Variants in RIMS2 observed in about 807,000 individuals in gnomAD.
RIMS2 encodes the protein regulating synaptic membrane exocytosis protein 2.
RIMS2 carries 59 observed loss-of-function variants against 174.4 expected under a neutral mutation model. The ratio of observed to expected loss-of-function variants is 0.34; its 90% CI spans 0.27 to 0.42. The LOEUF (loss-of-function observed/expected upper bound fraction) is 0.42. Ranked by LOEUF, RIMS2 falls within the 10% of genes least tolerant of loss-of-function variation. The pLI is 1.00. For missense variants in RIMS2, 1,620 were observed against 1,666.3 expected (o/e 0.97, Z 0.48); for synonymous variants, 606 against 572.5 (o/e 1.06, Z -0.84).
chr8:104,206,351 T>G (rs1417430236), intron 19 of RIMS2, among the ~76,000 whole-genome samples: 1 of 152,208 alleles, frequency 6.6e-6, no homozygotes, highest in Non-Finnish European at 1.5e-5. Context: ...AACAAAAAAT[T>G]CAAACTGTGA....
intron 1 of RIMS2, among the ~76,000 whole-genome samples, chr8:103,549,450 T>G (rs576939758): frequency 2.0e-5 from 3 of 152,086 alleles, no homozygotes; most frequent in Non-Finnish European, 2.9e-5. Flanking sequence ...AGGCCTACCT[T>G]ACAAGAGCTC....
At chr8:103,575,830 C>T (rs973893138) in intron 1 of RIMS2, among the ~76,000 whole-genome samples, 16 of 151,936 alleles carry the variant, frequency 1.1e-4, no homozygotes, top group Admixed American at 1.0e-3. Flanking sequence ...CATGATGCTC[C>T]TCCCCACAAT....
chr8:103,792,164 G>A (rs545789690), intron 3 of RIMS2, among the ~76,000 whole-genome samples: 3 of 151,956 alleles, frequency 2.0e-5, no homozygotes, highest in Admixed American at 6.6e-5. Context: ...TGACCACATC[G>A]TTGGAAGTAA....
At chr8:103,585,842 C>G (rs2093887544) in intron 1 of RIMS2, among the ~76,000 whole-genome samples, 2 of 151,368 alleles carry the variant, frequency 1.3e-5, no homozygotes, top group African/African-American at 4.9e-5. Flanking sequence ...ACATGTATAC[C>G]TGTGTAACAA....
chr8:104,242,676 C>T (rs376499419), intron 19 of RIMS2, among the ~76,000 whole-genome samples: 17 of 152,298 alleles, frequency 1.1e-4, no homozygotes, highest in African/African-American at 4.1e-4. Context: ...CTATCATATA[C>T]CTTGTTACTC....
At chr8:103,592,698 G>T (rs948837117) in intron 1 of RIMS2, among the ~76,000 whole-genome samples, 1 of 151,252 alleles carries the variant, frequency 6.6e-6, no homozygotes, top group Non-Finnish European at 1.5e-5. Context: ...TTTACATCTG[G>T]TGCAGAAGCA....
In RIMS2 at chr8:103,549,523, A is replaced by G. The variant is rs991078439; in HGVS notation, c.176+48461A>G. Reference sequence around the variant, plus strand: ...ACCAGCCACTGCAAAAACATGCCAAATTGTAAAGCCCATCAATGCTAGGAA... The same window carrying G: ...ACCAGCCACTGCAAAAACATGCCAAGTTGTAAAGCCCATCAATGCTAGGAA... On this transcript the variant is annotated intron_variant, in intron 1 of 23. Coordinates refer to ENST00000504942, the Ensembl canonical transcript of RIMS2. Among the ~76,000 whole-genome samples the G allele has an allele frequency of 5.9e-5, 9 of 152,224 alleles. No homozygotes were observed. In the South Asian group the frequency reaches 8.3e-4, roughly 14 times the overall value.
At chr8:103,637,699 G>T (rs2096121692) in intron 1 of RIMS2, among the ~76,000 whole-genome samples, 1 of 152,042 alleles carries the variant, frequency 6.6e-6, no homozygotes, top group South Asian at 2.1e-4. Flanking sequence ...CAATTACAGT[G>T]TATTTATCAA....
chr8:103,955,444 A>T (rs889785016), intron 14 of RIMS2, among the ~76,000 whole-genome samples: 7 of 152,228 alleles, frequency 4.6e-5, no homozygotes, highest in Admixed American at 2.0e-4. Context: ...GGCTGGTTCA[A>T]CATACCCATA....
At chr8:103,762,686 A>C (rs910919715) in intron 2 of RIMS2, among the ~76,000 whole-genome samples, 1 of 152,142 alleles carries the variant, frequency 6.6e-6, no homozygotes, top group Non-Finnish European at 1.5e-5. Flanking sequence ...CTGTACTACA[A>C]TTGTGTTGCT....
At chr8:103,603,525 G>T (rs1005578064) in intron 1 of RIMS2, among the ~76,000 whole-genome samples, 10 of 152,092 alleles carry the variant, frequency 6.6e-5, no homozygotes, top group Non-Finnish European at 1.2e-4. Flanking sequence ...TAATGGGATG[G>T]CTGGGTCAAG....
chr8:103,661,660 C>T (rs140248210), intron 1 of RIMS2, among the ~76,000 whole-genome samples: 5 of 152,210 alleles, frequency 3.3e-5, no homozygotes, highest in East Asian at 3.9e-4. Context: ...CACGCCGCCA[C>T]CCCTGGCTGA....
chr8:103,632,731 ATTTTTTTTTTT>A (rs61579273), intron 1 of RIMS2, among the ~76,000 whole-genome samples: 11 of 70,416 alleles, frequency 1.6e-4, no homozygotes, highest in East Asian at 1.4e-3. Flanking sequence ...ATATTTATTG[ATTTTTTTTTTT>A]TTTTTTTTTT....
chr8:104,004,580 G>C (rs1429422062), intron 17 of RIMS2, among the ~76,000 whole-genome samples: 2 of 152,096 alleles, frequency 1.3e-5, no homozygotes, highest in Admixed American at 1.3e-4. Context: ...TATCAAGAAA[G>C]TGTGAAGGAG....
intron 2 of RIMS2, among the ~76,000 whole-genome samples, chr8:103,741,065 G>T (rs1440586101): frequency 1.3e-5 from 2 of 151,682 alleles, no homozygotes; most frequent in East Asian, 1.9e-4. Context: ...AATTTCTATT[G>T]GATTGAGTTT....
At position 103,697,066 on chromosome 8, in the gene RIMS2, CT is replaced by C; in HGVS notation, c.177-18del. The C allele has an allele frequency of 4.4e-6, 7 of 1,575,456 alleles. No individual in the cohort carries two copies. The highest frequency in any genetic ancestry group is 5.2e-6 in the Non-Finnish European group (6 of 1,148,230). ...GATCATCAGGAAACCAACTTTTTTT[CT>C]TATCTATTTTCTCTGCAGAAAACTG... On this transcript the variant is annotated intron_variant, in intron 1 of 23. Transcript: ENST00000504942.
At chr8:103,632,698 G>A (rs941306194) in intron 1 of RIMS2, among the ~76,000 whole-genome samples, 19 of 150,544 alleles carry the variant, frequency 1.3e-4, no homozygotes, top group Non-Finnish European at 2.7e-4. Context: ...TGGGATTGTA[G>A]GCATGAGCCA....
At chr8:104,246,662 A>T (rs761931396) in intron 20 of RIMS2, among the ~76,000 whole-genome samples, 1 of 152,206 alleles carries the variant, frequency 6.6e-6, no homozygotes, top group African/African-American at 2.4e-5. Context: ...CACAGGATAG[A>T]CGGGGAAAGG....
chr8:104,169,339 T>TATATATATATATAA (rs1359764472), intron 19 of RIMS2, among the ~76,000 whole-genome samples: 2 of 33,262 alleles, frequency 6.0e-5, no homozygotes, highest in African/African-American at 3.2e-4. Context: ...TATATATATA[T>TATATATATATATAA]AAAACAGATT....
Sources: allele counts gnomAD v4.1 joint callset (sites outside exome capture counted in the v4.1 genomes callset), GRCh38; gene constraint gnomAD v4.1.1; transcripts MANE v1.5; gene names NCBI Gene and HGNC (gene_info 2026-07-23, HGNC 2026-07-21).